The following SH3GL3 variants were observed in gnomAD, a reference collection of about 807,000 sequenced individuals.
SH3GL3 encodes the protein endophilin-A3.
Under a neutral mutation model 47.7 loss-of-function variants are expected in SH3GL3, and 33 were observed. The observed-to-expected ratio is 0.69, with a 90% CI of 0.52 to 0.92. SH3GL3 has a LOEUF of 0.92. SH3GL3 is among the 40% of genes least tolerant of loss of function. SH3GL3 has a pLI of 0.00. For synonymous variants in SH3GL3, 155 were observed against 148.8 expected (o/e 1.04, Z -0.30); for missense variants, 363 against 417.8 (o/e 0.87, Z 1.14).
intron 1 of SH3GL3, among the ~76,000 whole-genome samples, chr15:83,487,785 C>T (rs551064551): frequency 6.6e-6 from 1 of 152,282 alleles, no homozygotes; most frequent in Non-Finnish European, 1.5e-5. Flanking sequence ...TGGCCCCATC[C>T]CAGGAAGCTC....
intron 1 of SH3GL3, among the ~76,000 whole-genome samples, chr15:83,526,475 A>T (rs2220856): frequency 0.84 from 127,220 of 152,224 alleles, 53,330 homozygotes; most frequent in South Asian, 0.9. Context: ...CACGGAATAC[A>T]ATGCAGCCTT....
intron 1 of SH3GL3, among the ~76,000 whole-genome samples, chr15:83,495,334 G>A (rs550010929): frequency 2.0e-5 from 3 of 152,152 alleles, no homozygotes; most frequent in Non-Finnish European, 4.4e-5. Context: ...CTTCACTGAA[G>A]GCAACTCTAG....
At chr15:83,523,516 A>G (rs1376470360) in intron 1 of SH3GL3, among the ~76,000 whole-genome samples, 1 of 152,198 alleles carries the variant, frequency 6.6e-6, no homozygotes. Flanking sequence ...GAAATCCCCA[A>G]GCCTTCCCAG....
chr15:83,490,855 A>C lies in SH3GL3; in HGVS notation c.45+43277A>C, dbSNP rs1270606537. On this transcript the variant is annotated intron_variant, in intron 1 of 8. Transcript: ENST00000427482. ...ATGAATGGATGGAATCTTTGCTGGG[A>C]TAATATGCAATCAAGCTAATAGGTG... The C allele has an allele frequency of 5.6e-6, 9 of 1,614,196 alleles. No individual in the cohort carries two copies. The East Asian group carries it at 2.0e-4, about 36-fold the overall frequency.
At chr15:83,509,329 G>A (rs928052912) in intron 1 of SH3GL3, among the ~76,000 whole-genome samples, 10 of 152,206 alleles carry the variant, frequency 6.6e-5, no homozygotes, top group Admixed American at 4.6e-4. Flanking sequence ...GGAGAGGACC[G>A]GAGGCTGGGG....
intron 1 of SH3GL3, among the ~76,000 whole-genome samples, chr15:83,487,203 GTTTT>G (rs34332284): frequency 7.9e-6 from 1 of 126,758 alleles, no homozygotes; most frequent in Non-Finnish European, 1.7e-5. Context: ...CGGTTTACCT[GTTTT>G]TTTTTTTTTT....
At chr15:83,566,034 T>C (rs1045108927) in intron 3 of SH3GL3, among the ~76,000 whole-genome samples, 1 of 152,226 alleles carries the variant, frequency 6.6e-6, no homozygotes, top group African/African-American at 2.4e-5. Context: ...ACATCAGTGA[T>C]TGAAATCAGC....
At chr15:83,588,015 T>C (rs916837103) in intron 7 of SH3GL3, among the ~76,000 whole-genome samples, 1 of 152,132 alleles carries the variant, frequency 6.6e-6, no homozygotes, top group Non-Finnish European at 1.5e-5. Context: ...TCTATAAGAG[T>C]AGAGTGAGGG....
downstream of SH3GL3, among the ~76,000 whole-genome samples, chr15:83,621,176 G>C (rs1022546267): frequency 6.6e-6 from 1 of 152,168 alleles, no homozygotes; most frequent in Non-Finnish European, 1.5e-5. Flanking sequence ...GTATTCACTG[G>C]AGCAGCACTT....
chr15:83,481,187 A>T lies in SH3GL3; in HGVS notation c.45+33609A>T, dbSNP rs187234276. Reference sequence around the variant, plus strand: ...CTAGTCGGGAGGCTGAAGCAGGAGAATCGCTTGAACCCGGGAGGCGGAGGT... The same window carrying T: ...CTAGTCGGGAGGCTGAAGCAGGAGATTCGCTTGAACCCGGGAGGCGGAGGT... On this transcript the variant is annotated intron_variant, in intron 1 of 8. Coordinates refer to ENST00000427482, the MANE Select transcript of SH3GL3 (RefSeq NM_003027.5). Among the ~76,000 whole-genome samples, 435 of 151,734 alleles carry T rather than the reference A, an allele frequency of 2.9e-3. 2 individuals carry two copies. The highest frequency in any genetic ancestry group is 0.01 in the African/African-American group (421 of 41,332).
intron 1 of SH3GL3, among the ~76,000 whole-genome samples, chr15:83,504,154 G>T (rs967257029): frequency 4.6e-5 from 7 of 152,080 alleles, no homozygotes; most frequent in Non-Finnish European, 8.8e-5. Context: ...CGTTTTTATT[G>T]TGGAATCTGA....
intron 1 of SH3GL3, among the ~76,000 whole-genome samples, chr15:83,553,111 C>CA (rs2044752555): frequency 6.6e-6 from 1 of 151,948 alleles, no homozygotes; most frequent in African/African-American, 2.4e-5. Context: ...TACAAAAATA[C>CA]AAAAATGAGC....
chr15:83,600,309 T>G (rs1387483019), intron 8 of SH3GL3, among the ~76,000 whole-genome samples: 1 of 152,206 alleles, frequency 6.6e-6, no homozygotes, highest in East Asian at 1.9e-4. Context: ...CTTCTAGAAT[T>G]TTTATAGTTT....
At chr15:83,609,194 A>C (rs969276706) in intron 8 of SH3GL3, 1 of 445,072 alleles carries the variant, frequency 2.2e-6, no homozygotes, top group African/African-American at 2.0e-5. Context: ...GGGTGCTGGG[A>C]AAGGGACTCG....
chr15:83,588,690 C>G lies in SH3GL3; in HGVS notation c.757C>G (p.Arg253Gly), dbSNP rs765453714. The stretch of plus-strand genomic sequence containing the variant: ...ATCAGCTGCATCCAGTGTCCCCAGA[C>G]GAGAATACAAGCCAAGGCCTGTGAA... The part of the protein sequence containing the change: ...RISAASSVPR[R>G]EYKPRPVKRS... The change falls in exon 8 of 9, where the codon CGA (arginine) becomes GGA (glycine). Residue 253 changes from arginine (R) to glycine (G), a missense_variant. Coordinates refer to ENST00000427482, the MANE Select transcript of SH3GL3 (RefSeq NM_003027.5). The G allele has an allele frequency of 3.1e-6, 5 of 1,611,372 alleles. No homozygotes were observed. The highest frequency in any genetic ancestry group is 4.2e-6 in the Non-Finnish European group (5 of 1,177,490).
chr15:83,537,623 A>G (rs1268740611), intron 1 of SH3GL3, among the ~76,000 whole-genome samples: 1 of 152,098 alleles, frequency 6.6e-6, no homozygotes, highest in African/African-American at 2.4e-5. Context: ...TCCACCATAC[A>G]GTTATTTTAT....
At chr15:83,579,449 G>T (rs956390944) in intron 6 of SH3GL3, among the ~76,000 whole-genome samples, 1 of 152,212 alleles carries the variant, frequency 6.6e-6, no homozygotes, top group South Asian at 2.1e-4. Context: ...GGAGACCAAC[G>T]TTATGAAACG....
chr15:83,504,418 G>GC (rs757106333), intron 1 of SH3GL3, among the ~76,000 whole-genome samples: 1 of 152,200 alleles, frequency 6.6e-6, no homozygotes, highest in Non-Finnish European at 1.5e-5. Flanking sequence ...TCCAAGGTGG[G>GC]CCAGTGCGAC....
intron 1 of SH3GL3, among the ~76,000 whole-genome samples, chr15:83,557,954 C>G (rs757630915): frequency 1.3e-5 from 2 of 152,110 alleles, no homozygotes; most frequent in African/African-American, 4.8e-5. Context: ...TCTCACACTT[C>G]GAATTTAAGT....
Sources: allele counts gnomAD v4.1 joint callset (sites outside exome capture counted in the v4.1 genomes callset), GRCh38; gene constraint gnomAD v4.1.1; transcripts MANE v1.5; gene names NCBI Gene and HGNC (gene_info 2026-07-23, HGNC 2026-07-21).